The following ANKH variants were observed in gnomAD, a reference collection of about 807,000 sequenced individuals.
ANKH encodes mineralization regulator ANKH.
Under a neutral mutation model 49.0 loss-of-function variants are expected in ANKH, and 15 were observed. The ratio of observed to expected loss-of-function variants is 0.31; its 90% CI spans 0.20 to 0.47. The LOEUF (loss-of-function observed/expected upper bound fraction) is 0.47. Ranked by LOEUF, ANKH falls within the 20% of genes least tolerant of loss-of-function variation. ANKH has a pLI of 1.00. For missense variants in ANKH, 429 were observed against 652.0 expected, an observed-to-expected ratio of 0.66 and a Z score of 3.72; for synonymous variants, 273 against 260.0, an observed-to-expected ratio of 1.05 and a Z score of -0.48.
At chr5:14,794,946 G>A (rs1740327152) in intron 1 of ANKH, among the ~76,000 whole-genome samples, 1 of 152,266 alleles carries the variant, frequency 6.6e-6, no homozygotes, top group African/African-American at 2.4e-5. Flanking sequence ...TTGCTGTACT[G>A]TGTATGTTCT....
At chr5:14,797,648 T>C in intron 1 of ANKH, 4 of 1,601,038 alleles carry the variant, frequency 2.5e-6, no homozygotes, top group Non-Finnish European at 3.4e-6. Flanking sequence ...AAATCATCAG[T>C]TTCTGATCAT....
chr5:14,758,120 GCTA>G (rs1161876673), intron 3 of ANKH, among the ~76,000 whole-genome samples: 2 of 152,254 alleles, frequency 1.3e-5, no homozygotes, highest in Non-Finnish European at 2.9e-5. Flanking sequence ...TCTGACACCT[GCTA>G]CTACATTGTT....
intron 1 of ANKH, among the ~76,000 whole-genome samples, chr5:14,805,538 C>A (rs577014130): frequency 2.1e-4 from 31 of 150,314 alleles, no homozygotes; most frequent in African/African-American, 5.6e-4. Flanking sequence ...ATATATATAT[C>A]TCTCCTATCA....
intron 5 of ANKH, among the ~76,000 whole-genome samples, chr5:14,750,378 C>G (rs1462784959): frequency 6.6e-6 from 1 of 152,208 alleles, no homozygotes; most frequent in African/African-American, 2.4e-5. Context: ...ATTCAACTTT[C>G]AGGGCACAGC....
At chr5:14,754,821 A>G (rs1738827753) in intron 4 of ANKH, among the ~76,000 whole-genome samples, 1 of 152,206 alleles carries the variant, frequency 6.6e-6, no homozygotes, top group African/African-American at 2.4e-5. Context: ...CATGCCTGTA[A>G]TCCCAGCACT....
intron 8 of ANKH, among the ~76,000 whole-genome samples, chr5:14,731,433 G>A (rs1176186078): frequency 6.6e-6 from 1 of 152,134 alleles, no homozygotes; most frequent in Non-Finnish European, 1.5e-5. Context: ...CGAGAAAGAA[G>A]GGAAAAGGGA....
chr5:14,716,169 ACTTC>A (rs1027623679), intron 9 of ANKH, among the ~76,000 whole-genome samples: 4 of 152,132 alleles, frequency 2.6e-5, no homozygotes, highest in Non-Finnish European at 5.9e-5. Context: ...TTTCAGGTCT[ACTTC>A]CTTTTTACTG....
At chr5:14,742,859 G>A (rs563945380) in intron 7 of ANKH, among the ~76,000 whole-genome samples, 10 of 152,318 alleles carry the variant, frequency 6.6e-5, no homozygotes, top group Admixed American at 2.6e-4. Context: ...ACTGCTAAGC[G>A]TGCTCCTCAC....
At position 14,709,980 on chromosome 5, in the gene ANKH, CTA is replaced by C. The variant is rs1428181829; in HGVS notation, c.*1215_*1216del. The C allele has an allele frequency of 3.3e-5, 5 of 152,048 alleles. No homozygotes were observed. The highest frequency in any genetic ancestry group is 5.9e-5 in the Non-Finnish European group (4 of 68,024). The allele number at this position is 152,048 out of a possible 1,614,324, so 9.4% of individuals were successfully genotyped here. On this transcript the variant is annotated 3_prime_UTR_variant, in exon 12 of 12. Coordinates refer to ENST00000284268, the MANE Select transcript of ANKH (RefSeq NM_054027.6). ...ACTAAATCAATTTAGTGAACCGTGT[CTA>C]TAATTTTTTTAAAGGAAAAAACCTG...
intron 1 of ANKH, among the ~76,000 whole-genome samples, chr5:14,836,269 G>A (rs1290617485): frequency 6.6e-6 from 1 of 152,130 alleles, no homozygotes; most frequent in Non-Finnish European, 1.5e-5. Flanking sequence ...TCTGGCCAGA[G>A]CAATCAGGCA....
intron 1 of ANKH, chr5:14,798,358 A>T: frequency 6.4e-7 from 1 of 1,562,722 alleles, no homozygotes; most frequent in Middle Eastern, 1.8e-4. Context: ...TTGATCACTC[A>T]TTCTTCCACT....
chr5:14,839,789 T>C (rs973298545), intron 1 of ANKH, among the ~76,000 whole-genome samples: 11 of 152,210 alleles, frequency 7.2e-5, no homozygotes, highest in African/African-American at 2.7e-4. Context: ...AGATACTTTG[T>C]GCATTTGAGG....
Position 14,711,094 on chromosome 5 carries a change from CAA to C in ANKH, c.*101_*102del. ...ATCAAGGCCTCTTTCATTACCAAAA[CAA>C]AACAAAAAAAAGGGAACAAAATACG... On this transcript the variant is annotated 3_prime_UTR_variant, in exon 12 of 12. Transcript: ENST00000284268. 9.1e-7 allele frequency: 1 copy of C among 1,095,818 alleles called. No homozygotes were observed. The highest frequency in any genetic ancestry group is 1.4e-6 in the Non-Finnish European group (1 of 713,640). 67.9% of individuals were successfully genotyped at this position (1,095,818 alleles called of 1,614,324 possible).
chr5:14,810,228 G>A (rs1740838912), intron 1 of ANKH, among the ~76,000 whole-genome samples: 2 of 151,700 alleles, frequency 1.3e-5, no homozygotes, highest in Non-Finnish European at 2.9e-5. Flanking sequence ...CATAATCTTG[G>A]CTCACTGCAA....
At chr5:14,838,130 G>A (rs192350908) in intron 1 of ANKH, among the ~76,000 whole-genome samples, 7 of 152,240 alleles carry the variant, frequency 4.6e-5, no homozygotes, top group East Asian at 1.9e-4. Flanking sequence ...GGGGAAGGGC[G>A]GAGGGATAGC....
At chr5:14,736,775 T>C (rs1430931815) in intron 8 of ANKH, among the ~76,000 whole-genome samples, 1 of 152,150 alleles carries the variant, frequency 6.6e-6, no homozygotes, top group Non-Finnish European at 1.5e-5. Flanking sequence ...GTTCGTGCAC[T>C]GCACAAAAGT....
intron 8 of ANKH, among the ~76,000 whole-genome samples, chr5:14,726,245 CAG>C (rs1375244137): frequency 1.3e-5 from 2 of 152,166 alleles, no homozygotes; most frequent in Non-Finnish European, 2.9e-5. Context: ...AGAGCTGACG[CAG>C]CCATAAGGAA....
chr5:14,754,606 CAGTT>C (rs1254930291), intron 4 of ANKH, among the ~76,000 whole-genome samples: 2 of 152,130 alleles, frequency 1.3e-5, no homozygotes, highest in African/African-American at 2.4e-5. Flanking sequence ...CACACACACA[CAGTT>C]AGTAGAAATC....
chr5:14,815,691 C>T (rs1252917117), intron 1 of ANKH, among the ~76,000 whole-genome samples: 1 of 152,206 alleles, frequency 6.6e-6, no homozygotes, highest in Middle Eastern at 3.4e-3. Context: ...TCCCAGGGCA[C>T]CCCAGACAAA....
Sources: allele counts gnomAD v4.1 joint callset (sites outside exome capture counted in the v4.1 genomes callset), GRCh38; gene constraint gnomAD v4.1.1; transcripts MANE v1.5; gene names NCBI Gene and HGNC (gene_info 2026-07-23, HGNC 2026-07-21).